Variants in RBFOX1 observed in about 807,000 individuals in gnomAD.
The protein encoded by RBFOX1 is RNA binding protein fox-1 homolog 1.
In RBFOX1, 8 loss-of-function variants were observed where a neutral mutation model predicts 57.7. That is an observed-to-expected ratio of 0.14 (90% CI 0.08 to 0.25). RBFOX1 has a LOEUF of 0.25. Ranked by LOEUF, RBFOX1 falls within the 10% of genes least tolerant of loss-of-function variation. The pLI, the probability that RBFOX1 is intolerant of heterozygous loss-of-function variation, is 1.00. For synonymous variants in RBFOX1, 326 were observed against 222.4 expected, an observed-to-expected ratio of 1.47 and a Z score of -4.15; for missense variants, 611 against 548.5, an observed-to-expected ratio of 1.11 and a Z score of -1.14.
intron 3 of RBFOX1, among the ~76,000 whole-genome samples, chr16:6,930,413 A>G (rs780285971): frequency 6.6e-6 from 1 of 151,990 alleles, no homozygotes; most frequent in Non-Finnish European, 1.5e-5. Context: ...TATTTTTGTT[A>G]TTGTTGTTAT....
At chr16:5,870,335 T>G (rs2057439479) in intron 4 of RBFOX1, among the ~76,000 whole-genome samples, 2 of 128,680 alleles carry the variant, frequency 1.6e-5, no homozygotes. Flanking sequence ...AGCTCTACAA[T>G]GAAAACGTGT....
chr16:6,875,888 C>G (rs2061749958), intron 3 of RBFOX1, among the ~76,000 whole-genome samples: 1 of 152,196 alleles, frequency 6.6e-6, no homozygotes, highest in South Asian at 2.1e-4. Flanking sequence ...ATCCAGGCTA[C>G]TTGAAGGGCT....
At chr16:6,782,247 T>C in intron 3 of RBFOX1, among the ~76,000 whole-genome samples, 1 of 152,198 alleles carries the variant, frequency 6.6e-6, no homozygotes, top group Non-Finnish European at 1.5e-5. Flanking sequence ...CCTCGTGGTC[T>C]GCCCACCTCG....
intron 2 of RBFOX1, among the ~76,000 whole-genome samples, chr16:5,496,876 T>G (rs1029060441): frequency 2.6e-5 from 4 of 152,258 alleles, no homozygotes; most frequent in African/African-American, 9.6e-5. Flanking sequence ...ACTCCAATCA[T>G]GGATTTTATC....
At chr16:6,082,057 C>T (rs1177610301) in intron 1 of RBFOX1, among the ~76,000 whole-genome samples, 1 of 152,060 alleles carries the variant, frequency 6.6e-6, no homozygotes, top group African/African-American at 2.4e-5. Flanking sequence ...TGGCTCTGAG[C>T]CTTGGTGTCT....
In RBFOX1 at chr16:6,097,248, T is replaced by G. The variant is rs1214437632; in HGVS notation, c.-127+77256T>G. Among the ~76,000 whole-genome samples the G allele has an allele frequency of 6.6e-6, 1 of 152,198 alleles. No homozygotes were observed. Among genetic ancestry groups the G allele is most frequent in the Non-Finnish European group, 1.5e-5 (1 of 68,046 alleles). Reference sequence around the variant, plus strand: ...AACTGTGAGTCCATTAAACTTCTTTTTGTTTATAAATTACTCAGTCTCATG... The same window carrying G: ...AACTGTGAGTCCATTAAACTTCTTTGTGTTTATAAATTACTCAGTCTCATG... On this transcript the variant is annotated intron_variant, in intron 1 of 15. Transcript: ENST00000550418. The surrounding 1 kb of genome is among the most constrained non-coding windows in gnomAD (Gnocchi z 5.0).
chr16:7,112,414 T>C (rs1660190492), intron 4 of RBFOX1, among the ~76,000 whole-genome samples: 1 of 149,170 alleles, frequency 6.7e-6, no homozygotes, highest in Non-Finnish European at 1.5e-5. Context: ...GGTTTCGCCA[T>C]GTTGGCCAGG....
intron 3 of RBFOX1, among the ~76,000 whole-genome samples, chr16:5,709,305 T>C (rs1037327290): frequency 6.6e-6 from 1 of 152,200 alleles, no homozygotes; most frequent in African/African-American, 2.4e-5. Context: ...AAAGCTCTGT[T>C]CTGTTATTTT....
At chr16:7,288,639 G>A (rs977239202) in intron 4 of RBFOX1, among the ~76,000 whole-genome samples, 12 of 152,134 alleles carry the variant, frequency 7.9e-5, no homozygotes, top group East Asian at 5.8e-4. Flanking sequence ...TCAGGAGTTC[G>A]AGACCAGCCT....
intron 3 of RBFOX1, among the ~76,000 whole-genome samples, chr16:6,719,283 C>T (rs1050865470): frequency 2.0e-5 from 3 of 150,780 alleles, no homozygotes; most frequent in African/African-American, 7.4e-5. Flanking sequence ...CAATATTCAA[C>T]AGAAAAAAAG....
intron 3 of RBFOX1, among the ~76,000 whole-genome samples, chr16:6,701,597 A>C (rs2061862895): frequency 6.6e-6 from 1 of 152,100 alleles, no homozygotes; most frequent in African/African-American, 2.4e-5. Flanking sequence ...ACATGGTGAG[A>C]GAGGAGGAGG....
intron 4 of RBFOX1, among the ~76,000 whole-genome samples, chr16:7,236,362 C>G (rs1436324395): frequency 6.6e-6 from 1 of 152,060 alleles, no homozygotes; most frequent in African/African-American, 2.4e-5. Context: ...ACATTTCTCC[C>G]CTTCCTATTT....
intron 4 of RBFOX1, among the ~76,000 whole-genome samples, chr16:5,879,013 T>A (rs2057693085): frequency 1.3e-5 from 2 of 152,196 alleles, no homozygotes; most frequent in Admixed American, 6.5e-5. Flanking sequence ...CCTGGTACTG[T>A]CTTCAGCAGC....
chr16:6,512,702 G>C (rs939989690), intron 2 of RBFOX1, among the ~76,000 whole-genome samples: 1 of 152,184 alleles, frequency 6.6e-6, no homozygotes, highest in Non-Finnish European at 1.5e-5. Context: ...GACCCTTGCT[G>C]TCTTGTGTTT....
At chr16:6,712,337 G>A (rs1372039281) in intron 3 of RBFOX1, among the ~76,000 whole-genome samples, 1 of 152,078 alleles carries the variant, frequency 6.6e-6, no homozygotes, top group African/African-American at 2.4e-5. Context: ...GCGCATGTGT[G>A]CCCGAGACCA....
intron 1 of RBFOX1, among the ~76,000 whole-genome samples, chr16:5,402,868 C>T (rs528874278): frequency 6.6e-6 from 1 of 152,234 alleles, no homozygotes; most frequent in East Asian, 1.9e-4. Context: ...TATTAAGTGC[C>T]AGCCGCATAC....
intron 1 of RBFOX1, among the ~76,000 whole-genome samples, chr16:5,339,283 C>T (rs897408775): frequency 2.2e-4 from 33 of 151,914 alleles, no homozygotes; most frequent in African/African-American, 7.0e-4. Flanking sequence ...CCCCCGCTGC[C>T]GCTTGGTTGC....
intron 3 of RBFOX1, among the ~76,000 whole-genome samples, chr16:6,865,865 C>G (rs764312822): frequency 3.9e-5 from 6 of 152,072 alleles, no homozygotes; most frequent in Non-Finnish European, 7.4e-5. Flanking sequence ...AGGCTTATTT[C>G]TTCCTGACAA....
chr16:5,979,808 G>C lies in RBFOX1; in HGVS notation c.351+112473G>C, dbSNP rs145191955. Among the ~76,000 whole-genome samples the C allele has an allele frequency of 2.7e-4, 41 of 152,196 alleles. 1 individual carries two copies. Among genetic ancestry groups the C allele is most frequent in the African/African-American group, 9.4e-4 (39 of 41,504 alleles). ...ACCCGGGAGGCAGAGGTTGCAGTGC[G>C]CCGAGATCGTACCACTGCGCTCCAG... On this transcript the variant is annotated intron_variant, in intron 4 of 19. Coordinates refer to the RBFOX1 transcript ENST00000641259.
Sources: gnomAD v4.1 joint callset for allele counts (sites outside exome capture counted in the v4.1 genomes callset) on GRCh38, gnomAD v4.1.1 for gene constraint, Gnocchi (gnomAD v3.1) non-coding constraint, MANE v1.5 for transcripts, NCBI Gene and HGNC (gene_info 2026-07-23, HGNC 2026-07-21) for gene names.